Variants in POLM observed in about 807,000 individuals in gnomAD.
POLM encodes DNA polymerase mu, also known as DNA-directed DNA/RNA polymerase mu.
Under a neutral mutation model 56.7 loss-of-function variants are expected in POLM, and 52 were observed. That is an observed-to-expected ratio of 0.92 (90% CI 0.73 to 1.15). POLM has a LOEUF of 1.15. POLM is among the 50% of genes most tolerant of loss of function. The pLI, the probability that POLM is intolerant of heterozygous loss-of-function variation, is 0.00. For synonymous variants in POLM, 273 were observed against 274.3 expected (o/e 1.00, Z 0.05); for missense variants, 660 against 663.6 (o/e 0.99, Z 0.06).
intron 3 of POLM, 43 bp downstream of exon 3, chr7:44,079,818 C>A (rs757408020): frequency 6.2e-7 from 1 of 1,611,328 alleles, no homozygotes; most frequent in Non-Finnish European, 8.5e-7. Flanking sequence ...GTACCCTTGT[C>A]CCCAACCCCC....
intron 7 of POLM, 49 bp downstream of exon 7, chr7:44,074,349 T>G: frequency 6.5e-7 from 1 of 1,549,186 alleles, no homozygotes; most frequent in Non-Finnish European, 8.7e-7. Context: ...GTCCCTTCAC[T>G]GGGGAGGGGT....
chr7:44,080,055 C>T (rs1256960801), intron 2 of POLM, 96 bp from the exon 3 acceptor site: 45 of 873,910 alleles, frequency 5.1e-5, no homozygotes, highest in African/African-American at 8.3e-5. Context: ...GTGTCCAACT[C>T]GGGCCCTCTG....
intron 2 of POLM, chr7:44,080,266 G>C (rs1057422705): frequency 3.8e-6 from 2 of 527,528 alleles, no homozygotes; most frequent in Non-Finnish European, 7.1e-6. Flanking sequence ...AAGCGGGCTG[G>C]GGATGCTGAG....
At position 44,079,762 on chromosome 7, in the gene POLM, TAAGG is replaced by T. The variant is rs754697080; in HGVS notation, c.472-25_472-22del. 58 of 1,610,010 alleles carry T rather than the reference TAAGG, an allele frequency of 3.6e-5. No homozygotes were observed. The African/African-American group carries it at 5.9e-4, about 16-fold the overall frequency. The stretch of plus-strand genomic sequence containing the variant: ...GCCTCCTGCAGGGAGGGGCCCTAGG[TAAGG>T]GGCAGGGTGGGCAGCTCCAATCCCC... On this transcript the variant is annotated intron_variant, in intron 3 of 10. Transcript: ENST00000242248.
intron 4 of POLM, among the ~76,000 whole-genome samples, chr7:44,079,309 T>G (rs575729884): frequency 6.6e-6 from 1 of 152,300 alleles, no homozygotes; most frequent in African/African-American, 2.4e-5. Flanking sequence ...TTGGGACTAA[T>G]GACAATGACA....
chr7:44,075,782 C>T (rs2096181821), intron 6 of POLM: 1 of 147,618 alleles, frequency 6.8e-6, no homozygotes, highest in South Asian at 2.1e-4. Flanking sequence ...TGCAGTGGCT[C>T]AATCTCAGCT....
At chr7:44,076,096 T>C (rs574675544) in intron 6 of POLM, 4 of 160,648 alleles carry the variant, frequency 2.5e-5, no homozygotes, top group East Asian at 1.8e-4. Context: ...TCTTGGGCAA[T>C]GGTCACCTAC....
Position 44,082,422 on chromosome 7 carries a change from C to A in POLM, c.17G>T (p.Arg6Leu). The stretch of plus-strand genomic sequence containing the variant: ...GCTAGGGGACCCGACCCGCGCTCGC[C>A]GCCGTTTGGGGAGCATTGGGACGAC... MLPKR[R>L]RARVGSPSGD... Residue 6 changes from arginine (R) to leucine (L), a missense_variant, in exon 1 of 11, where the codon CGG (arginine) becomes CTG (leucine). Coordinates refer to ENST00000242248, the MANE Select transcript of POLM (RefSeq NM_013284.4). 1 of 1,457,782 alleles carries A rather than the reference C, an allele frequency of 6.9e-7. No individual in the cohort carries two copies. Among genetic ancestry groups the A allele is most frequent in the Non-Finnish European group, 9.0e-7 (1 of 1,113,722 alleles). The allele number at this position is 1,457,782 out of a possible 1,614,324, so 90.3% of individuals were successfully genotyped here.
intron 6 of POLM, among the ~76,000 whole-genome samples, chr7:44,074,804 G>C (rs889148392): frequency 1.3e-5 from 2 of 152,196 alleles, no homozygotes; most frequent in Middle Eastern, 3.2e-3. Context: ...GATCCCATGT[G>C]CCTTTTACCC....
At chr7:44,078,659 C>T in intron 5 of POLM, 81 bp downstream of exon 5, 1 of 1,326,094 alleles carries the variant, frequency 7.5e-7, no homozygotes, top group South Asian at 1.2e-5. Context: ...CCCTGTTTGC[C>T]TCCCCGTGCA....
At chr7:44,078,440 T>C (rs28382646) in intron 5 of POLM, 3 of 370,250 alleles carry the variant, frequency 8.1e-6, no homozygotes, top group African/African-American at 6.2e-5. Flanking sequence ...TACTCCAGCC[T>C]GGGCGACAGA....
At position 44,082,463 on chromosome 7, in the gene POLM, G is replaced by A; in HGVS notation, c.-25C>T. ...TTGGGACGACAGCCTCCAGCAGCGC[G>A]GAGCGAACGCAGAGGGAAACTCCGA... is the stretch of plus-strand genomic sequence containing the variant. On this transcript the variant is annotated 5_prime_UTR_variant, in exon 1 of 11. Transcript: ENST00000242248. 4.8e-6 allele frequency: 6 copies of A among 1,242,388 alleles called. 2 individuals are homozygous for A. In the South Asian group the frequency reaches 8.5e-5, roughly 18 times the overall value. The allele number at this position is 1,242,388 out of a possible 1,614,324, so 77.0% of individuals were successfully genotyped here. A position where few individuals can be genotyped will look rare whatever the true frequency, so the allele number is the denominator to read the frequency against.
At chr7:44,081,870 C>T (rs373670983) in intron 1 of POLM, among the ~76,000 whole-genome samples, 48 of 152,044 alleles carry the variant, frequency 3.2e-4, no homozygotes, top group African/African-American at 1.1e-3. Context: ...CTCAGCCTCC[C>T]GAGTAGCTGG....
chr7:44,078,796 C>A lies in POLM; in HGVS notation c.658G>T (p.Gly220Ter). ...ACTCTCTCCACCTCCTCACACACTCCATGCTCCAGCAGCTCCTGGGGGAGG... is the reference window on the plus strand; with the variant it reads ...ACTCTCTCCACCTCCTCACACACTCAATGCTCCAGCAGCTCCTGGGGGAGG... The part of the protein sequence containing the change: ...SRVVQELLEH[G>*]VCEEVERVRR... Residue 220 changes from glycine (G) to a stop codon, truncating the protein, a stop_gained, in exon 5 of 11, where the codon GGA becomes TGA. Coordinates refer to ENST00000242248, the MANE Select transcript of POLM (RefSeq NM_013284.4). LOFTEE classifies it high-confidence loss of function. The A allele has an allele frequency of 6.2e-7, 1 of 1,613,870 alleles. No individual in the cohort carries two copies. Among genetic ancestry groups the A allele is most frequent in the Non-Finnish European group, 8.5e-7 (1 of 1,179,836 alleles).
At position 44,074,234 on chromosome 7, in the gene POLM, C is replaced by T; in HGVS notation, c.969-1G>A. 3.3e-5 allele frequency: 52 copies of T among 1,571,722 alleles called. No individual in the cohort carries two copies. Among genetic ancestry groups the T allele is most frequent in the Non-Finnish European group, 4.5e-5 (52 of 1,157,690 alleles). On this transcript the variant is annotated splice_acceptor_variant, in intron 7 of 10. Transcript: ENST00000242248. LOFTEE classifies it high-confidence loss of function. ...CACGTCATGGCCCTGCAACTTCCCC[C>T]TGAGGGCGTCAGTCTGACTCTGACT...
In POLM at chr7:44,074,875, C is replaced by T. The variant is rs2096179566; in HGVS notation, c.836-345G>A. Among the ~76,000 whole-genome samples the T allele has an allele frequency of 2.6e-5, 4 of 152,346 alleles. No homozygotes were observed. In the South Asian group the frequency reaches 8.3e-4, roughly 32 times the overall value. Reference sequence around the variant, plus strand: ...AATTTTGCAACCAAATATAAGGATACTGATGTTGATACAGTCATGCCACAG... The same window carrying T: ...AATTTTGCAACCAAATATAAGGATATTGATGTTGATACAGTCATGCCACAG... On this transcript the variant is annotated intron_variant, in intron 6 of 10. Transcript: ENST00000242248.
intron 4 of POLM, 93 bp downstream of exon 4, chr7:44,079,478 C>T (rs754622891): frequency 3.2e-5 from 40 of 1,244,270 alleles, no homozygotes; most frequent in Admixed American, 3.9e-5. Flanking sequence ...GACTGTCTGT[C>T]CTCACCCACC....
chr7:44,073,766 A>C lies in POLM; in HGVS notation c.1314+17T>G. The C allele has an allele frequency of 1.2e-6, 2 of 1,613,902 alleles. No individual in the cohort carries two copies. The highest frequency in any genetic ancestry group is 1.7e-6 in the Non-Finnish European group (2 of 1,179,842). The stretch of plus-strand genomic sequence containing the variant: ...GCCCAGCCCCACCCCCAGGCGGCCC[A>C]GCGGCACACTGCCTACCTTGGAGCC... On this transcript the variant is annotated intron_variant, in intron 9 of 10. Transcript: ENST00000242248.
At chr7:44,076,314 G>T in intron 6 of POLM, 195 bp downstream of exon 6, 3 of 581,360 alleles carry the variant, frequency 5.2e-6, no homozygotes, top group Admixed American at 3.2e-5. Flanking sequence ...AAGTTGCTGT[G>T]GTCAGCATCG....
Sources: gnomAD v4.1 joint callset for allele counts (sites outside exome capture counted in the v4.1 genomes callset) on GRCh38, gnomAD v4.1.1 for gene constraint, MANE v1.5 for transcripts, NCBI Gene and HGNC (gene_info 2026-07-23, HGNC 2026-07-21) for gene names.